Variants in ZSWIM7 observed in about 807,000 individuals in gnomAD.
ZSWIM7 encodes the protein zinc finger SWIM-type containing 7, also known as zinc finger SWIM domain-containing protein 7.
Under a neutral mutation model 21.1 loss-of-function variants are expected in ZSWIM7, and 22 were observed. That is an observed-to-expected ratio of 1.04 (90% CI 0.74 to 1.49). The LOEUF is 1.49. Ranked by LOEUF, ZSWIM7 falls within the 40% of genes most tolerant of loss-of-function variation. The pLI, the probability that ZSWIM7 is intolerant of heterozygous loss-of-function variation, is 0.00. For synonymous variants in ZSWIM7, 67 were observed against 66.5 expected (o/e 1.01, Z -0.04); for missense variants, 193 against 168.0 (o/e 1.15, Z -0.82).
In ZSWIM7 at chr17:15,999,639, G is replaced by T; in HGVS notation, c.-45C>A. 6.4e-7 allele frequency: 1 copy of T among 1,566,496 alleles called. No individual in the cohort carries two copies. Among genetic ancestry groups the T allele is most frequent in the Non-Finnish European group, 8.6e-7 (1 of 1,156,936 alleles). On this transcript the variant is annotated 5_prime_UTR_variant, in exon 1 of 5. Coordinates refer to ENST00000399277, the MANE Select transcript of ZSWIM7 (RefSeq NM_001042697.2). ...TCCACGACCGGCGGACCGCCGCGAC[G>T]CTCCAGCTGACTGCGCCTACCTGTG...
At chr17:15,979,776 C>T (rs1465367115) in intron 4 of ZSWIM7, among the ~76,000 whole-genome samples, 3 of 132,942 alleles carry the variant, frequency 2.3e-5, no homozygotes, top group South Asian at 2.4e-4. Context: ...CCGGATGGGG[C>T]GGCTGGCCGG....
At chr17:15,996,993 T>C (rs1970563025) in intron 1 of ZSWIM7, among the ~76,000 whole-genome samples, 1 of 151,954 alleles carries the variant, frequency 6.6e-6, no homozygotes, top group Non-Finnish European at 1.5e-5. Context: ...ACCTTGTCTC[T>C]ACAAAAAATA....
chr17:15,988,254 A>T (rs1294536687), intron 2 of ZSWIM7, among the ~76,000 whole-genome samples: 1 of 152,082 alleles, frequency 6.6e-6, no homozygotes, highest in African/African-American at 2.4e-5. Context: ...GGCAACTTGC[A>T]TTTTTTTACT....
Position 15,981,119 on chromosome 17 carries a change from T to C in ZSWIM7, c.227A>G (p.Tyr76Cys). Residue 76 changes from tyrosine to cysteine, a missense_variant, in exon 4 of 5, where the codon TAC (tyrosine) becomes TGC (cysteine). Coordinates refer to ENST00000399277, the MANE Select transcript of ZSWIM7 (RefSeq NM_001042697.2). ...YQVLGSSSKT[Y>C]TCLASCHYCS... ...GTAATGACAAGAAGCCAAACATGTGTATGTTTTACTGGAACTTCCAAGGAC... is the reference window on the plus strand; with the variant it reads ...GTAATGACAAGAAGCCAAACATGTGCATGTTTTACTGGAACTTCCAAGGAC... 6.2e-7 allele frequency: 1 copy of C among 1,613,730 alleles called. No individual in the cohort carries two copies. The highest frequency in any genetic ancestry group is 8.5e-7 in the Non-Finnish European group (1 of 1,179,752).
chr17:15,989,534 T>A (rs952860366), intron 2 of ZSWIM7, among the ~76,000 whole-genome samples: 1 of 152,110 alleles, frequency 6.6e-6, no homozygotes, highest in African/African-American at 2.4e-5. Flanking sequence ...GTCAGGGTGG[T>A]CTTGAACTCC....
At chr17:15,996,272 C>T (rs770910139) in intron 1 of ZSWIM7, among the ~76,000 whole-genome samples, 10 of 152,078 alleles carry the variant, frequency 6.6e-5, no homozygotes, top group Non-Finnish European at 1.3e-4. Flanking sequence ...CATTGCACTC[C>T]AGCCTGGGCA....
At chr17:15,982,064 C>G (rs865898841) in intron 3 of ZSWIM7, among the ~76,000 whole-genome samples, 8 of 152,108 alleles carry the variant, frequency 5.3e-5, no homozygotes, top group Admixed American at 2.0e-4. Flanking sequence ...AAGAGGCAGG[C>G]CCAGATCTGC....
At chr17:15,980,146 C>A in intron 4 of ZSWIM7, 1 of 152,706 alleles carries the variant, frequency 6.5e-6, no homozygotes, top group Non-Finnish European at 1.4e-5. Context: ...GACGAGGCGG[C>A]TGGTCTAGGC....
chr17:15,993,112 A>C (rs1261772224), intron 2 of ZSWIM7, among the ~76,000 whole-genome samples: 1 of 152,108 alleles, frequency 6.6e-6, no homozygotes, highest in Non-Finnish European at 1.5e-5. Flanking sequence ...TCCTGACCTC[A>C]AGTGATCCAC....
At position 15,978,004 on chromosome 17, in the gene ZSWIM7, G is replaced by T; in HGVS notation, c.*43C>A. On this transcript the variant is annotated 3_prime_UTR_variant, in exon 5 of 5. Transcript: ENST00000399277. Reference sequence around the variant, plus strand: ...TCATGACGCTTTCAATGCATTTCTTGACAGGATTCTATTTTGAAAGAATGA... The same window carrying T: ...TCATGACGCTTTCAATGCATTTCTTTACAGGATTCTATTTTGAAAGAATGA... The T allele has an allele frequency of 6.8e-7, 1 of 1,480,472 alleles. No individual in the cohort carries two copies. Among genetic ancestry groups the T allele is most frequent in the Non-Finnish European group, 9.4e-7 (1 of 1,060,386 alleles). The allele number at this position is 1,480,472 out of a possible 1,614,324, so 91.7% of individuals were successfully genotyped here. A position where few individuals can be genotyped will look rare whatever the true frequency, so the allele number is the denominator to read the frequency against.
At chr17:15,991,913 TG>T (rs68122511) in intron 2 of ZSWIM7, among the ~76,000 whole-genome samples, 14,369 of 60,294 alleles carry the variant, frequency 0.24, 1,773 homozygotes, top group African/African-American at 0.43. Flanking sequence ...TGTTTTTTTT[TG>T]TTTGTTTTGT....
intron 1 of ZSWIM7, among the ~76,000 whole-genome samples, chr17:15,998,465 T>C (rs1439331414): frequency 6.6e-6 from 1 of 152,220 alleles, no homozygotes; most frequent in Non-Finnish European, 1.5e-5. Flanking sequence ...GCCATCCAAG[T>C]TGAATAAGCG....
intron 2 of ZSWIM7, among the ~76,000 whole-genome samples, chr17:15,989,448 C>G (rs1970454895): frequency 6.6e-6 from 1 of 151,844 alleles, no homozygotes. Flanking sequence ...TCCTGAGTAG[C>G]TGGGATTATA....
chr17:15,988,399 T>A (rs1237186163), intron 2 of ZSWIM7, among the ~76,000 whole-genome samples: 2 of 152,194 alleles, frequency 1.3e-5, no homozygotes, highest in Admixed American at 6.5e-5. Context: ...TTTTATACTA[T>A]TATAAATAAT....
Position 15,992,943 on chromosome 17 carries a change from C to T in ZSWIM7, c.98+814G>A, listed in dbSNP as rs562007732. 9.9e-5 allele frequency among the ~76,000 whole-genome samples: 15 copies of T among 152,116 alleles called. No individual in the cohort carries two copies. The East Asian group carries it at 1.7e-3, about 18-fold the overall frequency. On this transcript the variant is annotated intron_variant, in intron 2 of 4. Transcript: ENST00000399277. The stretch of plus-strand genomic sequence containing the variant: ...TTAGGCTGGAGTGCAATGGCACAAT[C>T]GCAGCGAGATATGCAACCACAACCT...
intron 1 of ZSWIM7, among the ~76,000 whole-genome samples, chr17:15,994,790 C>T (rs748355214): frequency 5.3e-5 from 8 of 152,068 alleles, no homozygotes; most frequent in Admixed American, 1.3e-4. Flanking sequence ...TAGGTATACC[C>T]CAAGAGAAGT....
rs562544369 is a variant in ZSWIM7, at chr17:15,980,764, C to T, written c.306+276G>A. Among the ~76,000 whole-genome samples the T allele has an allele frequency of 3.3e-4, 51 of 152,252 alleles. 1 individual carries two copies. Among genetic ancestry groups the T allele is most frequent in the African/African-American group, 1.1e-3 (44 of 41,530 alleles). ...TATTTTTATGGGGCCATCTAATTCC[C>T]CAGTGCCCACTTCTGGGATTCCCTT... On this transcript the variant is annotated intron_variant, in intron 4 of 4. Coordinates refer to ENST00000399277, the MANE Select transcript of ZSWIM7 (RefSeq NM_001042697.2).
intron 1 of ZSWIM7, among the ~76,000 whole-genome samples, chr17:15,997,803 G>A (rs971681671): frequency 6.6e-6 from 1 of 152,050 alleles, no homozygotes; most frequent in Non-Finnish European, 1.5e-5. Flanking sequence ...TCTTGTTGGA[G>A]GGAAAAAACC....
intron 2 of ZSWIM7, among the ~76,000 whole-genome samples, chr17:15,989,564 C>G (rs534226843): frequency 6.6e-6 from 1 of 152,070 alleles, no homozygotes; most frequent in Non-Finnish European, 1.5e-5. Context: ...GTGATCCCCC[C>G]GCCTTGGCCT....
Sources: gnomAD v4.1 joint callset for allele counts (sites outside exome capture counted in the v4.1 genomes callset) on GRCh38, gnomAD v4.1.1 for gene constraint, MANE v1.5 for transcripts, NCBI Gene and HGNC (gene_info 2026-07-23, HGNC 2026-07-21) for gene names.